The following KIF21A variants were observed in gnomAD, a reference collection of about 807,000 sequenced individuals.
The protein encoded by KIF21A is kinesin-like protein KIF21A.
In KIF21A, 114 loss-of-function variants were observed where a neutral mutation model predicts 202.9. That is an observed-to-expected ratio of 0.56 (90% CI 0.48 to 0.66). KIF21A has a LOEUF of 0.66. Among genes scored for constraint, KIF21A ranks in the 30% least tolerant of loss-of-function variants. The pLI is 0.00. For missense variants in KIF21A, 1,677 were observed against 1,994.9 expected, an observed-to-expected ratio of 0.84 and a Z score of 3.04; for synonymous variants, 667 against 670.8, an observed-to-expected ratio of 0.99 and a Z score of 0.09.
At chr12:39,417,213 G>A (rs1353525766) in intron 1 of KIF21A, among the ~76,000 whole-genome samples, 2 of 152,092 alleles carry the variant, frequency 1.3e-5, no homozygotes, top group African/African-American at 4.8e-5. Flanking sequence ...AGTGTTATGG[G>A]AGAGAATGAT....
intron 10 of KIF21A, among the ~76,000 whole-genome samples, chr12:39,353,640 T>G (rs1592292660): frequency 6.6e-6 from 1 of 152,176 alleles, no homozygotes; most frequent in Non-Finnish European, 1.5e-5. Context: ...GATCTATATT[T>G]TAATTGTCTC....
intron 1 of KIF21A, among the ~76,000 whole-genome samples, chr12:39,424,000 A>AG (rs1303666909): frequency 2.0e-5 from 3 of 148,282 alleles, no homozygotes; most frequent in African/African-American, 7.6e-5. Flanking sequence ...AAAAAAAAAA[A>AG]AAAAAAAAAA....
At chr12:39,339,703 C>G (rs1052726698) in intron 16 of KIF21A, among the ~76,000 whole-genome samples, 9 of 152,054 alleles carry the variant, frequency 5.9e-5, no homozygotes, top group Non-Finnish European at 1.2e-4. Context: ...TAGTGCTTCT[C>G]TAAGTATAGG....
chr12:39,441,577 A>G (rs895410058), intron 1 of KIF21A, among the ~76,000 whole-genome samples: 1 of 150,822 alleles, frequency 6.6e-6, no homozygotes, highest in Non-Finnish European at 1.5e-5. Context: ...GCCCTAGAAT[A>G]ACGAAGAAGG....
chr12:39,415,510 G>A (rs1953503072), intron 1 of KIF21A, among the ~76,000 whole-genome samples: 1 of 152,078 alleles, frequency 6.6e-6, no homozygotes, highest in Admixed American at 6.6e-5. Flanking sequence ...AGCAGCCTCG[G>A]CCTCCCAAAG....
At chr12:39,346,525 G>A in intron 11 of KIF21A, 21 bp from the exon 12 acceptor site, 1 of 1,451,602 alleles carries the variant, frequency 6.9e-7, no homozygotes, top group Non-Finnish European at 9.1e-7. Context: ...ACGAGGCACA[G>A]TATTGGAAGG....
chr12:39,386,637 T>C (rs1950965373), intron 1 of KIF21A, among the ~76,000 whole-genome samples: 1 of 152,112 alleles, frequency 6.6e-6, no homozygotes, highest in Non-Finnish European at 1.5e-5. Flanking sequence ...CCAAAACACT[T>C]AGTATGGATT....
At chr12:39,426,933 C>T (rs1405520205) in intron 1 of KIF21A, among the ~76,000 whole-genome samples, 3 of 151,404 alleles carry the variant, frequency 2.0e-5, no homozygotes, top group Non-Finnish European at 4.4e-5. Context: ...GTTTTACTGT[C>T]TGAGAAAGTA....
Position 39,325,907 on chromosome 12 carries a change from A to C in KIF21A, c.3402-14T>G, listed in dbSNP as rs1246716705. The C allele has an allele frequency of 1.2e-6, 2 of 1,601,790 alleles. No individual in the cohort carries two copies. The highest frequency in any genetic ancestry group is 4.5e-5 in the East Asian group (2 of 44,708). On this transcript the variant is annotated splice_polypyrimidine_tract_variant and intron_variant, in intron 25 of 37. Coordinates refer to ENST00000361418, the MANE Select transcript of KIF21A (RefSeq NM_001173464.2). ...GAAGACAGCGTGCTATGTGCAAATA[A>C]ATAATTAAGCACAAGATTAAATAGA...
intron 37 of KIF21A, among the ~76,000 whole-genome samples, chr12:39,296,472 A>C (rs1311683605): frequency 1.3e-5 from 2 of 152,214 alleles, no homozygotes; most frequent in Non-Finnish European, 2.9e-5. Flanking sequence ...AATAAACCAT[A>C]ATAAATGATT....
intron 33 of KIF21A, among the ~76,000 whole-genome samples, chr12:39,309,278 A>C (rs966477907): frequency 1.2e-4 from 19 of 152,292 alleles, no homozygotes; most frequent in African/African-American, 2.9e-4. Flanking sequence ...AACTCTATCA[A>C]GTAAGAAATA....
At chr12:39,390,266 T>C (rs1189763660) in intron 1 of KIF21A, among the ~76,000 whole-genome samples, 1 of 152,234 alleles carries the variant, frequency 6.6e-6, no homozygotes, top group Non-Finnish European at 1.5e-5. Context: ...TTACAAAGTA[T>C]GAGTATTCAG....
chr12:39,311,309 G>T (rs544091460), intron 32 of KIF21A, 108 bp downstream of exon 32: 27 of 1,010,128 alleles, frequency 2.7e-5, no homozygotes, highest in Non-Finnish European at 3.7e-5. Context: ...CAGATTATCC[G>T]ATTCTTTCTG....
chr12:39,403,437 A>T (rs1352760472), intron 1 of KIF21A, among the ~76,000 whole-genome samples: 1 of 152,232 alleles, frequency 6.6e-6, no homozygotes, highest in Non-Finnish European at 1.5e-5. Context: ...ATATTTAAAA[A>T]TGTACACACA....
chr12:39,421,837 T>C (rs952650322), intron 1 of KIF21A, among the ~76,000 whole-genome samples: 2 of 147,418 alleles, frequency 1.4e-5, no homozygotes, highest in East Asian at 1.9e-4. Flanking sequence ...ATATATTATA[T>C]AATTACATAT....
chr12:39,377,232 G>A (rs1208347770), intron 1 of KIF21A, among the ~76,000 whole-genome samples: 2 of 151,998 alleles, frequency 1.3e-5, no homozygotes, highest in Non-Finnish European at 2.9e-5. Context: ...CTCTGTACAG[G>A]TCTTTTGCCT....
chr12:39,347,092 G>T (rs1260598517), intron 11 of KIF21A, among the ~76,000 whole-genome samples: 1 of 151,772 alleles, frequency 6.6e-6, no homozygotes, highest in African/African-American at 2.4e-5. Flanking sequence ...AAATGGTATT[G>T]CAGGCAAATG....
In KIF21A at chr12:39,322,897, G is replaced by T. The variant is rs377429832; in HGVS notation, c.3457-15C>A. ...CTCCTTCGGGCCTAGTCAAAGAATGGAAGGAAAAGCAATCAGGAGCAAACT... is the reference window on the plus strand; with the variant it reads ...CTCCTTCGGGCCTAGTCAAAGAATGTAAGGAAAAGCAATCAGGAGCAAACT... On this transcript the variant is annotated splice_polypyrimidine_tract_variant and intron_variant, in intron 26 of 37. Coordinates refer to ENST00000361418, the MANE Select transcript of KIF21A (RefSeq NM_001173464.2). 8.8e-6 allele frequency: 14 copies of T among 1,583,800 alleles called. No homozygotes were observed. In the Admixed American group the frequency reaches 2.4e-4, roughly 28 times the overall value.
intron 12 of KIF21A, among the ~76,000 whole-genome samples, chr12:39,342,722 C>A (rs986057294): frequency 1.3e-5 from 2 of 152,154 alleles, no homozygotes; most frequent in African/African-American, 4.8e-5. Context: ...TGGTCTCACA[C>A]AATGTGTCTT....
Sources: gnomAD v4.1 joint callset for allele counts (sites outside exome capture counted in the v4.1 genomes callset) on GRCh38, gnomAD v4.1.1 for gene constraint, MANE v1.5 for transcripts, NCBI Gene and HGNC (gene_info 2026-07-23, HGNC 2026-07-21) for gene names.